Variants in XKR3 observed in about 807,000 individuals in gnomAD.
XKR3 encodes XK-related protein 3.
In XKR3, 27 loss-of-function variants were observed where a neutral mutation model predicts 40.3. That is an observed-to-expected ratio of 0.67 (90% CI 0.49 to 0.92). The LOEUF (loss-of-function observed/expected upper bound fraction) is 0.92. XKR3 is among the 40% of genes least tolerant of loss of function. The pLI is 0.00. For synonymous variants in XKR3, 193 were observed against 195.4 expected (o/e 0.99, Z 0.10); for missense variants, 472 against 537.6 (o/e 0.88, Z 1.21).
intron 1 of XKR3, chr22:16,821,806 C>G (rs540633300): frequency 6.6e-6 from 1 of 152,162 alleles, no homozygotes; most frequent in South Asian, 2.1e-4. Context: ...TACACTACAT[C>G]TTTAAATTTT....
intron 3 of XKR3, among the ~76,000 whole-genome samples, chr22:16,789,702 A>G (rs1366291680): frequency 6.6e-6 from 1 of 152,214 alleles, no homozygotes; most frequent in Non-Finnish European, 1.5e-5. Flanking sequence ...CAGAAAAAAA[A>G]CCTGAATAGC....
intron 1 of XKR3, among the ~76,000 whole-genome samples, chr22:16,814,962 C>A (rs115077522): frequency 6.6e-6 from 1 of 151,518 alleles, no homozygotes; most frequent in Non-Finnish European, 1.5e-5. Context: ...TGCCCAATTG[C>A]CCCTCATCAA....
At chr22:16,823,553 T>G (rs2060264404) in intron 1 of XKR3, among the ~76,000 whole-genome samples, 1 of 152,200 alleles carries the variant, frequency 6.6e-6, no homozygotes, top group African/African-American at 2.4e-5. Context: ...CTTAAACACC[T>G]TACTTTTGAT....
intron 2 of XKR3, among the ~76,000 whole-genome samples, chr22:16,802,550 C>T (rs117013606): frequency 0.018 from 2,778 of 151,652 alleles, 44 homozygotes; most frequent in South Asian, 0.051. Context: ...AGTACAGTGG[C>T]GTGATATTGG....
chr22:16,809,271 C>T (rs961075461), intron 1 of XKR3, among the ~76,000 whole-genome samples: 1 of 152,038 alleles, frequency 6.6e-6, no homozygotes, highest in African/African-American at 2.4e-5. Flanking sequence ...AAGACAAAAC[C>T]TTCATCCCAT....
intron 1 of XKR3, among the ~76,000 whole-genome samples, chr22:16,808,378 A>T (rs545412057): frequency 1.1e-3 from 166 of 152,306 alleles, no homozygotes; most frequent in African/African-American, 3.8e-3. Flanking sequence ...TCCAAGTAGT[A>T]TGAAAGAAAT....
chr22:16,800,911 G>C (rs538972979), intron 2 of XKR3, among the ~76,000 whole-genome samples: 1 of 152,110 alleles, frequency 6.6e-6, no homozygotes, highest in Admixed American at 6.5e-5. Flanking sequence ...GTATTAAAAA[G>C]AACCAACAGA....
rs375936539 is a variant in XKR3 at position 16,805,877 on chromosome 22, T to TTAGG, written c.335+1858_335+1861dup. ...CACAATGAAATTTTATTCATTCGCA[T>TTAGG]TAGGAGCTATGATTTAAAGAGACAG... On this transcript the variant is annotated intron_variant, in intron 2 of 3. Transcript: ENST00000684488. 3.5e-3 allele frequency among the ~76,000 whole-genome samples: 527 copies of TTAGG among 152,290 alleles called. 3 individuals carry two copies. Among genetic ancestry groups the TTAGG allele is most frequent in the East Asian group, 0.019 (101 of 5,184 alleles).
chr22:16,823,899 G>A (rs982620082), intron 1 of XKR3, among the ~76,000 whole-genome samples: 2 of 152,022 alleles, frequency 1.3e-5, no homozygotes, highest in South Asian at 4.1e-4. Context: ...ACAGGTCCAG[G>A]TGATGATAAT....
chr22:16,794,289 CAAACA>C (rs2060131949), intron 3 of XKR3, among the ~76,000 whole-genome samples: 2 of 151,950 alleles, frequency 1.3e-5, no homozygotes, highest in Admixed American at 6.6e-5. Flanking sequence ...AACAAACAAA[CAAACA>C]AAAGAAAGGA....
At chr22:16,814,139 T>C (rs545203835) in intron 1 of XKR3, among the ~76,000 whole-genome samples, 1 of 152,320 alleles carries the variant, frequency 6.6e-6, no homozygotes, top group South Asian at 2.1e-4. Flanking sequence ...AACGTCTACC[T>C]TTTTCTAGAG....
In XKR3 at chr22:16,783,752, T is replaced by A; in HGVS notation, c.1247A>T (p.Gln416Leu). ...GKVLPGRTEN[Q>L]PEAPYYYVNI... ...TACATAATAGTACGGTGCTTCTGGC[T>A]GATTTTCAGTACGTCCTGGCAACAC... The change falls in exon 4 of 4, where the codon CAG becomes CTG. Residue 416 changes from glutamine (Q) to leucine (L), a missense_variant. Coordinates refer to ENST00000684488, the MANE Select transcript of XKR3 (RefSeq NM_001386955.1). 3 of 1,614,206 alleles carry A rather than the reference T, an allele frequency of 1.9e-6. No individual in the cohort carries two copies. The highest frequency in any genetic ancestry group is 2.5e-6 in the Non-Finnish European group (3 of 1,180,046).
At chr22:16,813,761 G>A (rs571381879) in intron 1 of XKR3, among the ~76,000 whole-genome samples, 10 of 152,276 alleles carry the variant, frequency 6.6e-5, no homozygotes, top group African/African-American at 2.4e-4. Flanking sequence ...GTTTTCTAAA[G>A]AAGCAACCTC....
At chr22:16,819,430 A>G (rs5748664) in intron 1 of XKR3, among the ~76,000 whole-genome samples, 135,638 of 152,092 alleles carry the variant, frequency 0.89, 60,580 homozygotes, top group African/African-American at 0.9. Flanking sequence ...AAATGTAGAA[A>G]AGGAAGCCCA....
chr22:16,792,010 C>T (rs1350331570), intron 3 of XKR3, among the ~76,000 whole-genome samples: 1 of 151,830 alleles, frequency 6.6e-6, no homozygotes, highest in Non-Finnish European at 1.5e-5. Flanking sequence ...GGCACTATCT[C>T]GGCTCATTGC....
intron 3 of XKR3, among the ~76,000 whole-genome samples, chr22:16,787,577 AAT>A (rs1278107465): frequency 2.0e-5 from 3 of 151,872 alleles, no homozygotes; most frequent in Non-Finnish European, 1.5e-5. Context: ...AAAAAAAAAA[AAT>A]AAGCGTATTG....
At chr22:16,793,587 C>T (rs2060129422) in intron 3 of XKR3, among the ~76,000 whole-genome samples, 1 of 152,026 alleles carries the variant, frequency 6.6e-6, no homozygotes. Context: ...AAACAGACCA[C>T]CCAGAGACAA....
intron 1 of XKR3, among the ~76,000 whole-genome samples, chr22:16,813,624 C>T (rs2060221989): frequency 6.6e-6 from 1 of 152,170 alleles, no homozygotes; most frequent in African/African-American, 2.4e-5. Flanking sequence ...CCCACCTCCA[C>T]ATCTGGAAAC....
At chr22:16,792,820 G>T (rs1303172760) in intron 3 of XKR3, among the ~76,000 whole-genome samples, 3 of 152,122 alleles carry the variant, frequency 2.0e-5, no homozygotes, top group Non-Finnish European at 4.4e-5. Flanking sequence ...AATAAAAAAT[G>T]ATTACCTTCC....
Sources: allele counts gnomAD v4.1 joint callset (sites outside exome capture counted in the v4.1 genomes callset), GRCh38; gene constraint gnomAD v4.1.1; transcripts MANE v1.5; gene names NCBI Gene and HGNC (gene_info 2026-07-23, HGNC 2026-07-21).